DTNBP1: variants seen among roughly 807,000 people sequenced by gnomAD.
DTNBP1 encodes the protein dystrobrevin binding protein 1.
A neutral mutation model predicts 42.8 loss-of-function variants in DTNBP1; 35 were observed. That is an observed-to-expected ratio of 0.82 (90% CI 0.63 to 1.09). The LOEUF (loss-of-function observed/expected upper bound fraction) is 1.09. Ranked by LOEUF, DTNBP1 falls within the 50% of genes least tolerant of loss-of-function variation. The pLI is 0.00. For missense variants in DTNBP1, 457 were observed against 424.2 expected, an observed-to-expected ratio of 1.08 and a Z score of -0.68; for synonymous variants, 171 against 162.2, an observed-to-expected ratio of 1.05 and a Z score of -0.41.
At chr6:15,550,253 T>C (rs917479973) in intron 7 of DTNBP1, among the ~76,000 whole-genome samples, 6 of 152,150 alleles carry the variant, frequency 3.9e-5, no homozygotes, top group African/African-American at 1.4e-4. Flanking sequence ...AATTAAGTAG[T>C]CCAAAAATTC....
At chr6:15,538,689 G>A (rs1165596637) in intron 7 of DTNBP1, among the ~76,000 whole-genome samples, 5 of 152,190 alleles carry the variant, frequency 3.3e-5, no homozygotes, top group Admixed American at 2.6e-4. Context: ...AGGACAACCT[G>A]AGTGCCTTAC....
intron 6 of DTNBP1, among the ~76,000 whole-genome samples, chr6:15,612,320 A>G (rs187055326): frequency 1.1e-3 from 175 of 152,328 alleles, no homozygotes; most frequent in Admixed American, 2.6e-3. Flanking sequence ...TAGACTACAT[A>G]CTGTATAAAC....
chr6:15,615,237 T>C, intron 6 of DTNBP1, 30 bp downstream of exon 6: 1 of 1,614,154 alleles, frequency 6.2e-7, no homozygotes, highest in Non-Finnish European at 8.5e-7. Flanking sequence ...GAGACTGGAA[T>C]GAATACTGTG....
At chr6:15,532,177 C>T (rs1429311130) in intron 8 of DTNBP1, among the ~76,000 whole-genome samples, 2 of 152,172 alleles carry the variant, frequency 1.3e-5, no homozygotes, top group Non-Finnish European at 2.9e-5. Flanking sequence ...TCCCCGCTGC[C>T]GGGGGTCTGG....
intron 3 of DTNBP1, among the ~76,000 whole-genome samples, chr6:15,642,482 C>G (rs539522124): frequency 5.7e-4 from 87 of 152,312 alleles, no homozygotes; most frequent in African/African-American, 2.0e-3. Flanking sequence ...AGCCTACCTG[C>G]CGGCTCTTAC....
chr6:15,627,750 CCT>C (rs1021110917), intron 4 of DTNBP1, among the ~76,000 whole-genome samples: 1 of 150,980 alleles, frequency 6.6e-6, no homozygotes, highest in African/African-American at 2.4e-5. Context: ...CTAAGTATAC[CCT>C]GTTTTAAGCA....
chr6:15,544,702 A>G (rs1773774278), intron 7 of DTNBP1, among the ~76,000 whole-genome samples: 1 of 152,238 alleles, frequency 6.6e-6, no homozygotes, highest in African/African-American at 2.4e-5. Flanking sequence ...TGTTTTAGCC[A>G]TGCTCAACCA....
chr6:15,537,377 C>A (rs1209950326), intron 7 of DTNBP1, among the ~76,000 whole-genome samples: 1 of 150,908 alleles, frequency 6.6e-6, no homozygotes, highest in Non-Finnish European at 1.5e-5. Context: ...TGCAGTGAGC[C>A]AAGATCACGC....
intron 7 of DTNBP1, among the ~76,000 whole-genome samples, chr6:15,583,170 G>A (rs749725010): frequency 3.9e-5 from 6 of 151,948 alleles, no homozygotes; most frequent in Non-Finnish European, 8.8e-5. Context: ...TTTGTAGAGC[G>A]GGGGTCTCAT....
chr6:15,555,798 C>G (rs1416157289), intron 7 of DTNBP1, among the ~76,000 whole-genome samples: 1 of 152,200 alleles, frequency 6.6e-6, no homozygotes, highest in Non-Finnish European at 1.5e-5. Flanking sequence ...TGGGGCTGCT[C>G]TATGGAGTAG....
At chr6:15,605,021 T>C (rs1297331339) in intron 6 of DTNBP1, among the ~76,000 whole-genome samples, 1 of 152,240 alleles carries the variant, frequency 6.6e-6, no homozygotes, top group Non-Finnish European at 1.5e-5. Context: ...GTTAAAATTA[T>C]GAGTCACTTA....
At position 15,652,860 on chromosome 6, in the gene DTNBP1, G is replaced by T. The variant is rs116132948; in HGVS notation, c.57-720C>A. ...TGGTCTCTATCTCCTGGCCTCAAGT[G>T]ATCTTCCCACCTCAGCCTCCCCATA... On this transcript the variant is annotated intron_variant, in intron 1 of 9. Coordinates refer to ENST00000344537, the MANE Select transcript of DTNBP1 (RefSeq NM_032122.5). Among the ~76,000 whole-genome samples the T allele has an allele frequency of 2.1e-3, 314 of 152,126 alleles. 1 individual carries two copies. Among genetic ancestry groups the T allele is most frequent in the African/African-American group, 6.9e-3 (287 of 41,506 alleles).
chr6:15,583,943 C>T (rs1333995014), intron 7 of DTNBP1, among the ~76,000 whole-genome samples: 1 of 152,096 alleles, frequency 6.6e-6, no homozygotes, highest in Non-Finnish European at 1.5e-5. Flanking sequence ...CAATATAGAA[C>T]ATCGTCTTAG....
At position 15,524,636 on chromosome 6, in the gene DTNBP1, T is replaced by C. The variant is rs1393843982; in HGVS notation, c.701A>G (p.Asn234Ser). 1 of 1,613,812 alleles carries C rather than the reference T, an allele frequency of 6.2e-7. No individual in the cohort carries two copies. The highest frequency in any genetic ancestry group is 8.5e-7 in the Non-Finnish European group (1 of 1,180,026). Residue 234 changes from asparagine (N) to serine (S), a missense_variant, in exon 9 of 10, where the codon AAC (asparagine) becomes AGC (serine). Coordinates refer to ENST00000344537, the MANE Select transcript of DTNBP1 (RefSeq NM_032122.5). ...GTCCATCTGCTCCAGCATGTCCACG[T>C]TCACTTCCATGGATGACATGCTGCC... Reference protein sequence around the residue: ...PIGSMSSMEVNVDMLEQMDLM... With the variant: ...PIGSMSSMEVSVDMLEQMDLM...
intron 7 of DTNBP1, among the ~76,000 whole-genome samples, chr6:15,553,703 C>A (rs575945619): frequency 6.9e-6 from 1 of 145,822 alleles, no homozygotes; most frequent in East Asian, 2.1e-4. Flanking sequence ...ATTCTTAAGT[C>A]GTTTTCATTT....
intron 3 of DTNBP1, among the ~76,000 whole-genome samples, chr6:15,644,964 C>T (rs1760589714): frequency 6.6e-6 from 1 of 151,138 alleles, no homozygotes; most frequent in South Asian, 2.1e-4. Context: ...CAAAAAAAAA[C>T]CATACAAAGT....
intron 7 of DTNBP1, among the ~76,000 whole-genome samples, chr6:15,556,393 G>C (rs968900497): frequency 6.6e-6 from 1 of 152,036 alleles, no homozygotes; most frequent in Non-Finnish European, 1.5e-5. Flanking sequence ...TGTTGGCCAG[G>C]CTGGTATTGA....
intron 3 of DTNBP1, among the ~76,000 whole-genome samples, chr6:15,648,969 C>T (rs996772258): frequency 5.3e-5 from 8 of 151,782 alleles, no homozygotes; most frequent in African/African-American, 1.9e-4. Flanking sequence ...GGGGAAAATC[C>T]TCATACTCAT....
At chr6:15,625,645 A>G (rs1015509090) in intron 5 of DTNBP1, among the ~76,000 whole-genome samples, 1 of 152,238 alleles carries the variant, frequency 6.6e-6, no homozygotes, top group Admixed American at 6.5e-5. Context: ...GACTATGAAA[A>G]TAATGAGAAC....
Sources: allele counts gnomAD v4.1 joint callset (sites outside exome capture counted in the v4.1 genomes callset), GRCh38; gene constraint gnomAD v4.1.1; transcripts MANE v1.5; gene names NCBI Gene and HGNC (gene_info 2026-07-23, HGNC 2026-07-21).